SLC4A4: variants seen among roughly 807,000 people sequenced by gnomAD.
The protein encoded by SLC4A4 is solute carrier family 4 member 4, also known as electrogenic sodium bicarbonate cotransporter 1.
Under a neutral mutation model 111.5 loss-of-function variants are expected in SLC4A4, and 27 were observed. The ratio of observed to expected loss-of-function variants is 0.24; its 90% CI spans 0.18 to 0.33. The LOEUF (loss-of-function observed/expected upper bound fraction) is 0.33, where lower values mean the gene tolerates loss of function less well. SLC4A4 is among the 10% of genes least tolerant of loss of function. The probability of loss-of-function intolerance (pLI) is 1.00; values close to 1 mark genes in which losing one functional copy is unlikely to be tolerated. For synonymous variants in SLC4A4, 443 were observed against 463.4 expected (o/e 0.96, Z 0.57); for missense variants, 909 against 1,315.5 (o/e 0.69, Z 4.78).
chr4:71,549,309 G>A (rs542428755), intron 20 of SLC4A4, among the ~76,000 whole-genome samples: 32 of 152,004 alleles, frequency 2.1e-4, no homozygotes, highest in African/African-American at 6.7e-4. Flanking sequence ...CCTAATGACA[G>A]TGTTACCTTT....
At chr4:71,121,854 T>G (rs1182673328) in intron 2 of SLC4A4, among the ~76,000 whole-genome samples, 1 of 152,130 alleles carries the variant, frequency 6.6e-6, no homozygotes, top group Non-Finnish European at 1.5e-5. Context: ...CACACTGCCT[T>G]TATGAGCTGT....
chr4:71,066,101 TG>T (rs2148928020), intron 1 of SLC4A4, among the ~76,000 whole-genome samples: 1 of 152,312 alleles, frequency 6.6e-6, no homozygotes, highest in Admixed American at 6.5e-5. Flanking sequence ...TGTCATTTAC[TG>T]GATGTCTTGT....
intron 3 of SLC4A4, among the ~76,000 whole-genome samples, chr4:71,309,439 C>T (rs1162964364): frequency 6.6e-6 from 1 of 152,142 alleles, no homozygotes; most frequent in Non-Finnish European, 1.5e-5. Context: ...CTGAGAGAGA[C>T]CTCCCAACAG....
At chr4:71,289,340 A>G (rs1724148922) in intron 3 of SLC4A4, among the ~76,000 whole-genome samples, 1 of 152,242 alleles carries the variant, frequency 6.6e-6, no homozygotes, top group Non-Finnish European at 1.5e-5. Context: ...AGATTTGGAT[A>G]TAGAATTATG....
intron 14 of SLC4A4, among the ~76,000 whole-genome samples, chr4:71,476,147 C>T (rs4261956): frequency 0.43 from 64,698 of 151,590 alleles, 17,812 homozygotes; most frequent in Non-Finnish European, 0.62. Context: ...TAACAAAACC[C>T]CATAAGATTA....
chr4:71,527,126 TA>T (rs1733490126), intron 16 of SLC4A4, among the ~76,000 whole-genome samples: 1 of 152,084 alleles, frequency 6.6e-6, no homozygotes, highest in African/African-American at 2.4e-5. Context: ...AGGGGTATAT[TA>T]TACTTTAATC....
intron 1 of SLC4A4, among the ~76,000 whole-genome samples, chr4:71,195,421 G>A (rs181956476): frequency 3.3e-5 from 5 of 152,058 alleles, no homozygotes; most frequent in Non-Finnish European, 7.4e-5. Flanking sequence ...TGTGCTTGAC[G>A]CAAATGTGGC....
chr4:71,125,546 C>A (rs1743538295), intron 2 of SLC4A4, among the ~76,000 whole-genome samples: 1 of 152,134 alleles, frequency 6.6e-6, no homozygotes, highest in South Asian at 2.1e-4. Flanking sequence ...GGCGACAGAG[C>A]CAGACTCTCT....
intron 1 of SLC4A4, among the ~76,000 whole-genome samples, chr4:71,190,087 A>G (rs1308561267): frequency 6.6e-6 from 1 of 152,206 alleles, no homozygotes; most frequent in Non-Finnish European, 1.5e-5. Context: ...GATAAAGAAC[A>G]TCCAGGAAGC....
At chr4:71,447,203 G>A (rs888373328) in intron 8 of SLC4A4, among the ~76,000 whole-genome samples, 4 of 152,126 alleles carry the variant, frequency 2.6e-5, no homozygotes, top group Non-Finnish European at 4.4e-5. Flanking sequence ...GTGTGGAGAC[G>A]ATCATCTGTC....
At chr4:71,121,992 C>T (rs959351490) in intron 2 of SLC4A4, among the ~76,000 whole-genome samples, 1 of 152,096 alleles carries the variant, frequency 6.6e-6, no homozygotes, top group Admixed American at 6.5e-5. Context: ...AGAGCTGTAA[C>T]ACTCACTGTG....
At chr4:71,349,801 A>T (rs1422936802) in intron 4 of SLC4A4, 111 bp from the exon 5 acceptor site, 3 of 920,156 alleles carry the variant, frequency 3.3e-6, no homozygotes, top group Non-Finnish European at 5.2e-6. Context: ...ACTCCACAAA[A>T]AGAGACATTT....
intron 7 of SLC4A4, among the ~76,000 whole-genome samples, chr4:71,412,622 G>C (rs1329178360): frequency 6.6e-6 from 1 of 152,172 alleles, no homozygotes; most frequent in Non-Finnish European, 1.5e-5. Context: ...GAAAGAAACA[G>C]CAAACAATCC....
intron 3 of SLC4A4, among the ~76,000 whole-genome samples, chr4:71,282,231 A>C (rs1723575738): frequency 6.6e-6 from 1 of 151,972 alleles, no homozygotes; most frequent in African/African-American, 2.4e-5. Context: ...TGGCCATTGC[A>C]GTATAGTTTA....
At chr4:71,271,786 G>A (rs1722718134) in intron 3 of SLC4A4, among the ~76,000 whole-genome samples, 2 of 152,120 alleles carry the variant, frequency 1.3e-5, no homozygotes, top group Non-Finnish European at 2.9e-5. Flanking sequence ...TTGCAAGGGG[G>A]CTAACATTTG....
chr4:71,135,004 G>A (rs1416766301), intron 2 of SLC4A4, among the ~76,000 whole-genome samples: 1 of 152,144 alleles, frequency 6.6e-6, no homozygotes, highest in Admixed American at 6.5e-5. Context: ...GCTTGCTAGG[G>A]GTTACAGTTG....
At chr4:71,193,505 C>T (rs1007621889) in intron 1 of SLC4A4, among the ~76,000 whole-genome samples, 5 of 152,154 alleles carry the variant, frequency 3.3e-5, no homozygotes, top group Admixed American at 1.3e-4. Context: ...ATTGATGGGA[C>T]GGTTTTAGTA....
chr4:71,143,362 G>A lies in SLC4A4; in HGVS notation c.-2+50570G>A, dbSNP rs565563330. ...CCAGTCTATCATTGTTGGACATTTGGGTTGGTTCCAAGTCTTTGCTATTGT... is the reference window on the plus strand; with the variant it reads ...CCAGTCTATCATTGTTGGACATTTGAGTTGGTTCCAAGTCTTTGCTATTGT... On this transcript the variant is annotated intron_variant, in intron 2 of 26. Coordinates refer to the SLC4A4 transcript ENST00000649996. 7.2e-5 allele frequency among the ~76,000 whole-genome samples: 11 copies of A among 152,188 alleles called. No homozygotes were observed. In the South Asian group the frequency reaches 1.0e-3, roughly 14 times the overall value.
chr4:71,325,768 A>C (rs1329645070), intron 3 of SLC4A4, among the ~76,000 whole-genome samples: 1 of 151,986 alleles, frequency 6.6e-6, no homozygotes, highest in Admixed American at 6.6e-5. Flanking sequence ...TTGTGGATTA[A>C]ACCAAATGGT....
Sources: gnomAD v4.1 joint callset for allele counts (sites outside exome capture counted in the v4.1 genomes callset) on GRCh38, gnomAD v4.1.1 for gene constraint, MANE v1.5 for transcripts, NCBI Gene and HGNC (gene_info 2026-07-23, HGNC 2026-07-21) for gene names.